NAV2: variants seen among roughly 807,000 people sequenced by gnomAD.
The protein encoded by NAV2 is neuron navigator 2.
NAV2 carries 54 observed loss-of-function variants against 223.2 expected under a neutral mutation model. The observed-to-expected ratio is 0.24, with a 90% CI of 0.19 to 0.30. NAV2 has a LOEUF of 0.30. NAV2 is among the 10% of genes least tolerant of loss of function. NAV2 has a pLI of 1.00. For missense variants in NAV2, 2,806 were observed against 3,147.5 expected, an observed-to-expected ratio of 0.89 and a Z score of 2.60; for synonymous variants, 1,279 against 1,239.3, an observed-to-expected ratio of 1.03 and a Z score of -0.67.
chr11:19,778,767 A>G (rs1316401779), intron 1 of NAV2, among the ~76,000 whole-genome samples: 4 of 152,292 alleles, frequency 2.6e-5, no homozygotes, highest in African/African-American at 9.6e-5. Context: ...CTATGTCATG[A>G]TTCCAGCTCC....
chr11:19,668,844 T>C (rs1026974004), intron 1 of NAV2, among the ~76,000 whole-genome samples: 6 of 152,174 alleles, frequency 3.9e-5, no homozygotes, highest in African/African-American at 7.2e-5. Context: ...AGGGTATTAG[T>C]TAGCCTGCTG....
chr11:19,893,435 C>T (rs796309716), intron 6 of NAV2, among the ~76,000 whole-genome samples: 7 of 152,222 alleles, frequency 4.6e-5, no homozygotes, highest in East Asian at 1.9e-4. Context: ...GGGCTGTCTA[C>T]GTGGTGTTTC....
At chr11:19,494,565 A>C (rs75849563) in intron 1 of NAV2, among the ~76,000 whole-genome samples, 39 of 152,342 alleles carry the variant, frequency 2.6e-4, no homozygotes, top group African/African-American at 8.7e-4. Flanking sequence ...GGTGAAACCT[A>C]TATGTGTGTG....
At chr11:19,365,850 A>C (rs916190624) in intron 1 of NAV2, among the ~76,000 whole-genome samples, 1 of 152,218 alleles carries the variant, frequency 6.6e-6, no homozygotes, top group Non-Finnish European at 1.5e-5. Context: ...TAGTTTGTTC[A>C]TAAGTGTTTA....
intron 1 of NAV2, among the ~76,000 whole-genome samples, chr11:19,568,506 G>T (rs540254207): frequency 6.6e-6 from 1 of 152,308 alleles, no homozygotes; most frequent in East Asian, 1.9e-4. Context: ...TGTACAGATG[G>T]ATCTTTACAG....
At chr11:19,576,433 T>C (rs1217322429) in intron 1 of NAV2, among the ~76,000 whole-genome samples, 1 of 152,226 alleles carries the variant, frequency 6.6e-6, no homozygotes, top group African/African-American at 2.4e-5. Context: ...AAATAATGCA[T>C]ACTAATTGTA....
At chr11:19,437,741 C>T (rs945417736) in intron 1 of NAV2, among the ~76,000 whole-genome samples, 9 of 152,088 alleles carry the variant, frequency 5.9e-5, no homozygotes, top group African/African-American at 1.7e-4. Context: ...AACTATGAAA[C>T]GATGCATTCT....
In NAV2 at chr11:20,030,142, A is replaced by G. The variant is rs935275583; in HGVS notation, c.2769-5817A>G. On this transcript the variant is annotated intron_variant, in intron 11 of 37. Transcript: ENST00000349880. ...TTATTTCCCAAGGTTGTCAAACACA[A>G]TGCTATCTCCAGCAACATTTTCAGA... Among the ~76,000 whole-genome samples the G allele has an allele frequency of 2.6e-5, 4 of 152,218 alleles. No homozygotes were observed. The South Asian group carries it at 6.2e-4, about 24-fold the overall frequency.
chr11:19,345,799 G>A (rs931334397), upstream of NAV2, among the ~76,000 whole-genome samples: 17 of 152,306 alleles, frequency 1.1e-4, no homozygotes, highest in African/African-American at 4.1e-4. This position sits in a 1 kb window ranked among gnomAD's most constrained non-coding sequence, Gnocchi z 5.2. Context: ...CTGGGCGTAC[G>A]TGCCTGAGGC....
chr11:19,794,229 C>T (rs895917816), intron 1 of NAV2, among the ~76,000 whole-genome samples: 1 of 152,188 alleles, frequency 6.6e-6, no homozygotes, highest in Non-Finnish European at 1.5e-5. Context: ...CGCCTGTGCT[C>T]GGCGTTGTAA....
chr11:19,951,177 T>C (rs1041983603), intron 10 of NAV2, among the ~76,000 whole-genome samples: 2 of 152,158 alleles, frequency 1.3e-5, no homozygotes, highest in Non-Finnish European at 2.9e-5. Context: ...GGATTCTAGT[T>C]TCTATGGCTG....
chr11:19,976,274 T>C (rs1482187635), intron 10 of NAV2, among the ~76,000 whole-genome samples: 3 of 152,160 alleles, frequency 2.0e-5, no homozygotes, highest in Non-Finnish European at 2.9e-5. Context: ...TTCCAGGTGA[T>C]GTTGAAACTA....
intron 5 of NAV2, among the ~76,000 whole-genome samples, chr11:19,891,593 C>T (rs2041502176): frequency 6.6e-6 from 1 of 152,182 alleles, no homozygotes; most frequent in African/African-American, 2.4e-5. Flanking sequence ...ATCTACTGTG[C>T]AGATAAGTTG....
chr11:19,982,431 G>C (rs374254471), intron 10 of NAV2, among the ~76,000 whole-genome samples: 1 of 151,862 alleles, frequency 6.6e-6, no homozygotes, highest in Non-Finnish European at 1.5e-5. Context: ...CCACGTGCCC[G>C]GCTAAAAATT....
chr11:19,493,849 A>G (rs2042708808), intron 1 of NAV2, among the ~76,000 whole-genome samples: 1 of 152,270 alleles, frequency 6.6e-6, no homozygotes, highest in Non-Finnish European at 1.5e-5. Flanking sequence ...CTCTATTTGC[A>G]GTAAGAAAAA....
chr11:19,669,550 G>A (rs1032673997), intron 1 of NAV2, among the ~76,000 whole-genome samples: 9 of 152,248 alleles, frequency 5.9e-5, no homozygotes, highest in African/African-American at 2.2e-4. Context: ...CTCTGTTTAA[G>A]TGCTAACTGT....
intron 1 of NAV2, among the ~76,000 whole-genome samples, chr11:19,550,460 G>C (rs1283187146): frequency 6.6e-6 from 1 of 152,208 alleles, no homozygotes; most frequent in Non-Finnish European, 1.5e-5. Flanking sequence ...CCATTTCGTA[G>C]ATGAGGCAAC....
chr11:19,703,134 T>C (rs2049558201), intron 1 of NAV2, among the ~76,000 whole-genome samples: 1 of 141,228 alleles, frequency 7.1e-6, no homozygotes, highest in Admixed American at 7.3e-5. Flanking sequence ...AAGAAAATAA[T>C]ATTTTTTTAA....
chr11:19,611,049 T>C (rs2046627662), intron 1 of NAV2, among the ~76,000 whole-genome samples: 1 of 152,228 alleles, frequency 6.6e-6, no homozygotes, highest in African/African-American at 2.4e-5. Context: ...CAGTTCCACA[T>C]GGCTAGGGAA....
Sources: allele counts gnomAD v4.1 joint callset (sites outside exome capture counted in the v4.1 genomes callset), GRCh38; gene constraint gnomAD v4.1.1; non-coding constraint Gnocchi (gnomAD v3.1); transcripts MANE v1.5; gene names NCBI Gene and HGNC (gene_info 2026-07-23, HGNC 2026-07-21).